The following INSR variants were observed in gnomAD, a reference collection of about 807,000 sequenced individuals.
INSR encodes the protein insulin receptor.
INSR carries 67 observed loss-of-function variants against 142.6 expected under a neutral mutation model. The ratio of observed to expected loss-of-function variants is 0.47; its 90% CI spans 0.39 to 0.58. The LOEUF (loss-of-function observed/expected upper bound fraction) is 0.58, where lower values mean the gene tolerates loss of function less well. INSR is among the 20% of genes least tolerant of loss of function. INSR has a pLI of 0.00. For synonymous variants in INSR, 756 were observed against 743.1 expected, an observed-to-expected ratio of 1.02 and a Z score of -0.28; for missense variants, 1,248 against 1,833.2, an observed-to-expected ratio of 0.68 and a Z score of 5.83.
chr19:7,205,706 A>AC (rs1024133828), intron 2 of INSR, among the ~76,000 whole-genome samples: 1 of 151,026 alleles, frequency 6.6e-6, no homozygotes, highest in African/African-American at 2.4e-5. Flanking sequence ...GACCCCTCAC[A>AC]CCCCCCACGC....
intron 2 of INSR, among the ~76,000 whole-genome samples, chr19:7,221,201 C>A (rs777221804): frequency 2.6e-5 from 4 of 151,438 alleles, no homozygotes; most frequent in African/African-American, 9.7e-5. Flanking sequence ...TGGCGAGACC[C>A]CGTTTCTACC....
At chr19:7,138,125 G>A (rs147598229) in intron 13 of INSR, among the ~76,000 whole-genome samples, 2,786 of 151,184 alleles carry the variant, frequency 0.018, 52 homozygotes, top group African/African-American at 0.044. Context: ...CACCATGCCC[G>A]GCTAATTTTT....
chr19:7,142,461 G>A (rs979271268), intron 12 of INSR, among the ~76,000 whole-genome samples: 1 of 146,576 alleles, frequency 6.8e-6, no homozygotes, highest in Non-Finnish European at 1.5e-5. Flanking sequence ...TTGAGAGGCC[G>A]ATGTGGGTGG....
chr19:7,151,748 A>G (rs1170646066), intron 10 of INSR, among the ~76,000 whole-genome samples: 1 of 151,876 alleles, frequency 6.6e-6, no homozygotes, highest in Non-Finnish European at 1.5e-5. Flanking sequence ...GTTCTGGGAG[A>G]AAAGTCTGCT....
intron 2 of INSR, among the ~76,000 whole-genome samples, chr19:7,188,016 C>T (rs2145000149): frequency 1.3e-5 from 2 of 152,186 alleles, no homozygotes; most frequent in Middle Eastern, 6.8e-3. Context: ...GGCTGGCCTC[C>T]TTTCTGCACC....
Position 7,166,924 on chromosome 19 carries a change from CATAAATAA to C in INSR, c.1611-528_1611-521del, listed in dbSNP as rs74174870. 2.3e-5 allele frequency among the ~76,000 whole-genome samples: 3 copies of C among 127,990 alleles called. No homozygotes were observed. The highest frequency in any genetic ancestry group is 5.6e-5 in the African/African-American group (2 of 35,440). The allele number at this position is 127,990 out of a possible 152,430, so 84.0% of individuals were successfully genotyped here. Reference sequence around the variant, plus strand: ...ACAAAGGGAGACTCTGTTTCAAAAACATAAATAAATAAATAAATAAATAAATGCTTGGG... The same window carrying C: ...ACAAAGGGAGACTCTGTTTCAAAAACATAAATAAATAAATAAATGCTTGGG... On this transcript the variant is annotated intron_variant, in intron 7 of 21. Coordinates refer to ENST00000302850, the MANE Select transcript of INSR (RefSeq NM_000208.4). The surrounding 1 kb of genome is among the most constrained non-coding windows in gnomAD (Gnocchi z 4.1).
At chr19:7,227,842 ATC>A (rs1975838190) in intron 2 of INSR, among the ~76,000 whole-genome samples, 1 of 152,162 alleles carries the variant, frequency 6.6e-6, no homozygotes. Context: ...ACTGATATGT[ATC>A]CTCAATGGTT....
rs1240695156 is a variant in INSR at position 7,192,139 on chromosome 19, T to A, written c.653-7502A>T. On this transcript the variant is annotated intron_variant, in intron 2 of 21. Coordinates refer to ENST00000302850, the MANE Select transcript of INSR (RefSeq NM_000208.4). The surrounding 1 kb of genome is among the most constrained non-coding windows in gnomAD (Gnocchi z 4.2). The stretch of plus-strand genomic sequence containing the variant: ...AAGAAAGAGGGAGAAAGAAGAAAGA[T>A]AAGAGAGAGAGAAAGAGAAAGAAAA... Among the ~76,000 whole-genome samples the A allele has an allele frequency of 1.7e-4, 15 of 88,270 alleles. No individual in the cohort carries two copies. The highest frequency in any genetic ancestry group is 3.9e-4 in the Admixed American group (3 of 7,772). 57.9% of individuals were successfully genotyped at this position (88,270 alleles called of 152,430 possible).
At position 7,125,266 on chromosome 19, in the gene INSR, AC is replaced by A; in HGVS notation, c.3258+16del. 6.2e-7 allele frequency: 1 copy of A among 1,613,624 alleles called. No homozygotes were observed. Among genetic ancestry groups the A allele is most frequent in the Non-Finnish European group, 8.5e-7 (1 of 1,179,914 alleles). On this transcript the variant is annotated intron_variant, in intron 17 of 21. Transcript: ENST00000302850. The surrounding 1 kb of genome is among the most constrained non-coding windows in gnomAD (Gnocchi z 4.9). ...GGTCAGGAAAGCCAGCCCATGTCCC[AC>A]CCCCACTGGACTCACCACGTGATGG...
intron 1 of INSR, among the ~76,000 whole-genome samples, chr19:7,282,101 A>G (rs1234783299): frequency 6.6e-6 from 1 of 152,210 alleles, no homozygotes; most frequent in Non-Finnish European, 1.5e-5. Flanking sequence ...ACGGTGGCTC[A>G]CACCAGTAAT....
chr19:7,124,541 GAAAAAAA>G, intron 17 of INSR, among the ~76,000 whole-genome samples: 1 of 9,924 alleles, frequency 1.0e-4, no homozygotes, highest in South Asian at 6.5e-3. Context: ...TCCGTTTCAG[GAAAAAAA>G]AAAAAAAAAA....
At chr19:7,162,998 C>T in intron 9 of INSR, 34 bp downstream of exon 9, 3 of 1,611,086 alleles carry the variant, frequency 1.9e-6, no homozygotes, top group Non-Finnish European at 2.5e-6. Context: ...CGTGTGCAAA[C>T]CCCACCGATC....
chr19:7,280,137 G>A (rs1464542338), intron 1 of INSR, among the ~76,000 whole-genome samples: 2 of 151,572 alleles, frequency 1.3e-5, no homozygotes, highest in Non-Finnish European at 2.9e-5. Flanking sequence ...GGTGGCAGGC[G>A]CCTGTAGTCC....
In INSR at chr19:7,265,387, G is replaced by A. The variant is rs186003316; in HGVS notation, c.652+1958C>T. 6.0e-4 allele frequency among the ~76,000 whole-genome samples: 92 copies of A among 152,212 alleles called. No homozygotes were observed. In the East Asian group the frequency reaches 0.011, roughly 19 times the overall value. On this transcript the variant is annotated intron_variant, in intron 2 of 21. Transcript: ENST00000302850. ...TATTTGGGAGAGAAACGAAACGCCC[G>A]TTGAGTCACACACACAAACAGATCT... is the stretch of plus-strand genomic sequence containing the variant.
intron 9 of INSR, 40 bp downstream of exon 9, chr19:7,162,992 T>A: frequency 6.2e-7 from 1 of 1,610,462 alleles, no homozygotes; most frequent in Non-Finnish European, 8.5e-7. Context: ...GACACACGTG[T>A]GCAAACCCCA....
intron 2 of INSR, among the ~76,000 whole-genome samples, chr19:7,217,205 G>C (rs779448294): frequency 3.3e-5 from 5 of 152,100 alleles, no homozygotes; most frequent in Non-Finnish European, 7.4e-5. Context: ...TGTTACAAAG[G>C]TTGGTTCCTT....
chr19:7,169,126 T>C (rs1973954472), intron 6 of INSR, among the ~76,000 whole-genome samples: 1 of 152,198 alleles, frequency 6.6e-6, no homozygotes. Flanking sequence ...CCCTTTGCAA[T>C]GCAGAACTTC....
intron 17 of INSR, among the ~76,000 whole-genome samples, chr19:7,124,378 A>AG (rs34719250): frequency 0.46 from 54,428 of 118,900 alleles, 14,003 homozygotes; most frequent in Admixed American, 0.55. Flanking sequence ...CAAAAAAAAA[A>AG]AAAAAAAACA....
intron 2 of INSR, among the ~76,000 whole-genome samples, chr19:7,188,276 G>A (rs968348673): frequency 6.6e-6 from 1 of 151,928 alleles, no homozygotes. Flanking sequence ...CTGGGCGCGG[G>A]GGCTCACACC....
Sources: allele counts gnomAD v4.1 joint callset (sites outside exome capture counted in the v4.1 genomes callset), GRCh38; gene constraint gnomAD v4.1.1; non-coding constraint Gnocchi (gnomAD v3.1); transcripts MANE v1.5; gene names NCBI Gene and HGNC (gene_info 2026-07-23, HGNC 2026-07-21).